KCND2: variants seen among roughly 807,000 people sequenced by gnomAD.
KCND2 encodes A-type voltage-gated potassium channel KCND2.
Under a neutral mutation model 54.4 loss-of-function variants are expected in KCND2, and 16 were observed. That is an observed-to-expected ratio of 0.29 (90% CI 0.20 to 0.45). The LOEUF (loss-of-function observed/expected upper bound fraction) is 0.45, where lower values mean the gene tolerates loss of function less well. Ranked by LOEUF, KCND2 falls within the 20% of genes least tolerant of loss-of-function variation. The probability of loss-of-function intolerance (pLI) is 1.00; values close to 1 mark genes in which losing one functional copy is unlikely to be tolerated. For missense variants in KCND2, 486 were observed against 824.2 expected (o/e 0.59, Z 5.02); for synonymous variants, 317 against 310.7 (o/e 1.02, Z -0.21).
chr7:120,292,849 T>C (rs574965806), intron 1 of KCND2, among the ~76,000 whole-genome samples: 3 of 151,968 alleles, frequency 2.0e-5, no homozygotes, highest in Admixed American at 6.6e-5. Context: ...CCCTAAGTCA[T>C]TCAAACTTTT....
At position 120,749,812 on chromosome 7, in the gene KCND2, G is replaced by T. The variant is rs2116202257; in HGVS notation, c.*1954G>T. 1 of 152,132 alleles carries T rather than the reference G, an allele frequency of 6.6e-6. No individual in the cohort carries two copies. Among genetic ancestry groups the T allele is most frequent in the Non-Finnish European group, 1.5e-5 (1 of 67,848 alleles). The allele number at this position is 152,132 out of a possible 1,614,324, so 9.4% of individuals were successfully genotyped here. Reference sequence around the variant, plus strand: ...TTATATTAACACCTGCCTCATGTCAGTTTATGCTTCTAGAGCAATGTCTAG... The same window carrying T: ...TTATATTAACACCTGCCTCATGTCATTTTATGCTTCTAGAGCAATGTCTAG... On this transcript the variant is annotated 3_prime_UTR_variant, in exon 6 of 6. Coordinates refer to ENST00000331113, the MANE Select transcript of KCND2 (RefSeq NM_012281.3).
chr7:120,630,742 A>G (rs1197393393), intron 1 of KCND2, among the ~76,000 whole-genome samples: 1 of 152,190 alleles, frequency 6.6e-6, no homozygotes, highest in Non-Finnish European at 1.5e-5. Flanking sequence ...GCTTTTCACA[A>G]TTTGGCTTTC....
At chr7:120,676,103 G>C (rs1033106442) in intron 1 of KCND2, among the ~76,000 whole-genome samples, 1 of 152,090 alleles carries the variant, frequency 6.6e-6, no homozygotes, top group Non-Finnish European at 1.5e-5. Context: ...CTCCCAAATT[G>C]TTGAGATTAC....
chr7:120,368,370 G>A (rs1162174920), intron 1 of KCND2, among the ~76,000 whole-genome samples: 1 of 150,632 alleles, frequency 6.6e-6, no homozygotes, highest in African/African-American at 2.4e-5. Context: ...TTTTTTGTAT[G>A]GAAGCCCAAC....
chr7:120,634,110 A>G (rs765536003), intron 1 of KCND2, among the ~76,000 whole-genome samples: 10 of 152,178 alleles, frequency 6.6e-5, no homozygotes, highest in Non-Finnish European at 1.3e-4. Flanking sequence ...GATATTGATC[A>G]AATCAATAAA....
intron 1 of KCND2, among the ~76,000 whole-genome samples, chr7:120,307,559 C>T (rs995462944): frequency 2.0e-5 from 3 of 152,066 alleles, no homozygotes; most frequent in Non-Finnish European, 4.4e-5. Context: ...ATATCCATCT[C>T]ATTTCTGAAA....
intron 1 of KCND2, among the ~76,000 whole-genome samples, chr7:120,638,126 G>T (rs962665869): frequency 6.6e-6 from 1 of 152,082 alleles, no homozygotes; most frequent in African/African-American, 2.4e-5. Context: ...TTGGGATTAG[G>T]ATCTTCCGCA....
At chr7:120,439,798 T>C (rs1266729273) in intron 1 of KCND2, among the ~76,000 whole-genome samples, 1 of 152,070 alleles carries the variant, frequency 6.6e-6, no homozygotes, top group African/African-American at 2.4e-5. Context: ...TAATATACTG[T>C]CTTGCAGGCT....
intron 1 of KCND2, among the ~76,000 whole-genome samples, chr7:120,713,988 C>A (rs1792572274): frequency 6.6e-6 from 1 of 152,026 alleles, no homozygotes; most frequent in African/African-American, 2.4e-5. Flanking sequence ...ATAATTTATT[C>A]AAGAAGGGCT....
chr7:120,419,666 ATATATG>A (rs1801581142), intron 1 of KCND2, among the ~76,000 whole-genome samples: 1 of 152,172 alleles, frequency 6.6e-6, no homozygotes, highest in South Asian at 2.1e-4. Context: ...GTATGTGTGT[ATATATG>A]CATATATACA....
chr7:120,395,308 A>G (rs972911207), intron 1 of KCND2, among the ~76,000 whole-genome samples: 5 of 152,080 alleles, frequency 3.3e-5, no homozygotes, highest in African/African-American at 1.2e-4. Context: ...ATAACTCAGT[A>G]TAAATAAATG....
intron 1 of KCND2, among the ~76,000 whole-genome samples, chr7:120,655,342 C>T (rs2116551417): frequency 6.6e-6 from 1 of 152,082 alleles, no homozygotes; most frequent in East Asian, 1.9e-4. Context: ...AATGTTTGAG[C>T]TACAGGACCC....
At chr7:120,419,294 G>A (rs1378648782) in intron 1 of KCND2, among the ~76,000 whole-genome samples, 1 of 152,056 alleles carries the variant, frequency 6.6e-6, no homozygotes, top group Non-Finnish European at 1.5e-5. Context: ...CATCTGCTAT[G>A]CATTGCTAAA....
In KCND2 at chr7:120,742,594, A is replaced by C. The variant is rs774627483; in HGVS notation, c.1459A>C (p.Lys487Gln). The C allele has an allele frequency of 6.2e-7, 1 of 1,613,306 alleles. No homozygotes were observed. Among genetic ancestry groups the C allele is most frequent in the Non-Finnish European group, 8.5e-7 (1 of 1,179,410 alleles). The change falls in exon 4 of 6, where the codon AAA becomes CAA. Residue 487 changes from lysine (K) to glutamine (Q), a missense_variant. This residue lies in a region of KCND2 where 202 missense variants were observed against 252.7 expected (regional missense o/e 0.80). Coordinates refer to ENST00000331113, the MANE Select transcript of KCND2 (RefSeq NM_012281.3). ...CCACCACCTGCTTCACTGCCTGGAA[A>C]AAACCACGGTAAGGAGACAGCATGA... ...QHHHLLHCLE[K>Q]TTNHEFVDEQ...
chr7:120,636,834 TC>T (rs1793310678), intron 1 of KCND2, among the ~76,000 whole-genome samples: 1 of 152,170 alleles, frequency 6.6e-6, no homozygotes, highest in Non-Finnish European at 1.5e-5. Context: ...TCCTCTACAA[TC>T]TACCAAGTGA....
intron 1 of KCND2, among the ~76,000 whole-genome samples, chr7:120,499,154 AG>A (rs1049299319): frequency 6.6e-6 from 1 of 152,132 alleles, no homozygotes; most frequent in African/African-American, 2.4e-5. Flanking sequence ...CTAAATATTC[AG>A]GGGAAGCAAA....
At chr7:120,331,230 A>G (rs1330964505) in intron 1 of KCND2, among the ~76,000 whole-genome samples, 2 of 152,124 alleles carry the variant, frequency 1.3e-5, no homozygotes, top group African/African-American at 4.8e-5. Context: ...GTTGCCCAGA[A>G]CTTAAATTAA....
intron 1 of KCND2, among the ~76,000 whole-genome samples, chr7:120,507,698 C>T (rs1803048084): frequency 6.6e-6 from 1 of 151,842 alleles, no homozygotes; most frequent in Non-Finnish European, 1.5e-5. Flanking sequence ...TACCCTCAGG[C>T]TCCTAGTAGC....
rs74434378 is a variant in KCND2 at position 120,729,050 on chromosome 7, G to A, written c.1116-3853G>A. On this transcript the variant is annotated intron_variant, in intron 1 of 5. Coordinates refer to ENST00000331113, the MANE Select transcript of KCND2 (RefSeq NM_012281.3). ...CCTTTCCTCCACGGAATTTCAGAGA[G>A]ATGTGATTCCTGAGGTGTATAATGC... Among the ~76,000 whole-genome samples the A allele has an allele frequency of 2.0e-3, 300 of 152,298 alleles. 2 individuals carry two copies. Among genetic ancestry groups the A allele is most frequent in the African/African-American group, 6.5e-3 (270 of 41,584 alleles).
Sources: allele counts gnomAD v4.1 joint callset (sites outside exome capture counted in the v4.1 genomes callset), GRCh38; gene constraint gnomAD v4.1.1; regional missense constraint gnomAD v4.1.1; transcripts MANE v1.5; gene names NCBI Gene and HGNC (gene_info 2026-07-23, HGNC 2026-07-21).